Variants in DIP2C observed in about 807,000 individuals in gnomAD.
DIP2C encodes disco-interacting protein 2 homolog C.
A neutral mutation model predicts 192.4 loss-of-function variants in DIP2C; 33 were observed. The observed-to-expected ratio is 0.17, with a 90% CI of 0.13 to 0.23. The LOEUF (loss-of-function observed/expected upper bound fraction) is 0.23. Among genes scored for constraint, DIP2C ranks in the 10% least tolerant of loss-of-function variants. The pLI is 1.00. For missense variants in DIP2C, 1,537 were observed against 2,110.1 expected (o/e 0.73, Z 5.32); for synonymous variants, 979 against 864.1 (o/e 1.13, Z -2.33).
intron 7 of DIP2C, among the ~76,000 whole-genome samples, chr10:414,922 G>C (rs1396718086): frequency 1.2e-5 from 1 of 82,520 alleles, no homozygotes; most frequent in Non-Finnish European, 2.4e-5. Context: ...TTTTTTTTTT[G>C]GTAGAGACAG....
At chr10:487,063 G>T (rs1290503443) in intron 1 of DIP2C, among the ~76,000 whole-genome samples, 3 of 152,248 alleles carry the variant, frequency 2.0e-5, no homozygotes, top group Admixed American at 2.0e-4. Context: ...CAGAAATCCA[G>T]AAGACAAGAG....
Position 486,378 on chromosome 10 carries a change from G to A in DIP2C, c.157+81C>T, listed in dbSNP as rs140331005. Reference sequence around the variant, plus strand: ...CTCCTGCCGACTGGGAAGCAAGGGAGCGTCTGCCTCCAGATGTTTCTCTGG... The same window carrying A: ...CTCCTGCCGACTGGGAAGCAAGGGAACGTCTGCCTCCAGATGTTTCTCTGG... On this transcript the variant is annotated intron_variant, in intron 2 of 36. Coordinates refer to ENST00000280886, the MANE Select transcript of DIP2C (RefSeq NM_014974.3). 4.0e-4 allele frequency: 526 copies of A among 1,327,422 alleles called. 1 individual carries two copies. In the African/African-American group the frequency reaches 7.0e-3, roughly 18 times the overall value. The allele number at this position is 1,327,422 out of a possible 1,614,324, so 82.2% of individuals were successfully genotyped here.
At chr10:391,206 C>T (rs1484393311) in intron 10 of DIP2C, among the ~76,000 whole-genome samples, 1 of 152,212 alleles carries the variant, frequency 6.6e-6, no homozygotes, top group Non-Finnish European at 1.5e-5. Flanking sequence ...TATGATTATA[C>T]AATGCAATTA....
At chr10:547,263 G>A (rs1804123268) in intron 1 of DIP2C, among the ~76,000 whole-genome samples, 1 of 152,208 alleles carries the variant, frequency 6.6e-6, no homozygotes, top group Admixed American at 6.5e-5. Context: ...CTCTGATCCA[G>A]GAGGGCTCCT....
chr10:559,148 A>G (rs1849060698), intron 1 of DIP2C, among the ~76,000 whole-genome samples: 1 of 152,250 alleles, frequency 6.6e-6, no homozygotes, highest in Non-Finnish European at 1.5e-5. Context: ...GGGCAGCAGC[A>G]CTGGCTGTAT....
chr10:578,012 A>C (rs1850286151), intron 1 of DIP2C, among the ~76,000 whole-genome samples: 1 of 152,184 alleles, frequency 6.6e-6, no homozygotes, highest in African/African-American at 2.4e-5. Flanking sequence ...TGGAAAACTA[A>C]GTACTAATTT....
intron 1 of DIP2C, among the ~76,000 whole-genome samples, chr10:578,553 T>C (rs940328125): frequency 2.9e-4 from 44 of 152,322 alleles, no homozygotes; most frequent in African/African-American, 9.9e-4. Context: ...TCCTAAATCA[T>C]TGCAAAGCAT....
chr10:593,189 A>G (rs1422062177), intron 1 of DIP2C, among the ~76,000 whole-genome samples: 1 of 152,092 alleles, frequency 6.6e-6, no homozygotes. Flanking sequence ...CAGGACACTC[A>G]CTGGGTTTCC....
intron 1 of DIP2C, among the ~76,000 whole-genome samples, chr10:656,355 G>A (rs922960492): frequency 6.6e-6 from 1 of 151,950 alleles, no homozygotes; most frequent in Non-Finnish European, 1.5e-5. Flanking sequence ...GTTCTATTCT[G>A]CACTACTCTG....
intron 28 of DIP2C, among the ~76,000 whole-genome samples, chr10:342,339 T>A (rs564676810): frequency 7.2e-5 from 11 of 152,264 alleles, no homozygotes; most frequent in Admixed American, 2.0e-4. Flanking sequence ...TTTGTATTTT[T>A]AGTAGAGACA....
At chr10:581,794 C>T (rs1187937614) in intron 1 of DIP2C, among the ~76,000 whole-genome samples, 2 of 152,092 alleles carry the variant, frequency 1.3e-5, no homozygotes, top group African/African-American at 2.4e-5. Context: ...AGCCTTCAAT[C>T]CCCCACCTTT....
chr10:432,788 A>C (rs1211194948), intron 4 of DIP2C, among the ~76,000 whole-genome samples: 1 of 152,202 alleles, frequency 6.6e-6, no homozygotes, highest in Non-Finnish European at 1.5e-5. Context: ...TAAAGCTATA[A>C]ATTTCCCTAT....
At chr10:608,111 A>ACACCACACACACAGCCC (rs1852636752) in intron 1 of DIP2C, among the ~76,000 whole-genome samples, 1 of 140,104 alleles carries the variant, frequency 7.1e-6, no homozygotes, top group Non-Finnish European at 1.5e-5. Context: ...AGGAACACAC[A>ACACCACACACACAGCCC]CACCACACAC....
At chr10:433,970 CT>C (rs1426132444) in intron 4 of DIP2C, among the ~76,000 whole-genome samples, 3 of 151,548 alleles carry the variant, frequency 2.0e-5, no homozygotes, top group South Asian at 2.1e-4. Flanking sequence ...ATATCAGTTA[CT>C]TTTTTTTAAG....
At chr10:647,579 A>G (rs1233270454) in intron 1 of DIP2C, among the ~76,000 whole-genome samples, 1 of 148,068 alleles carries the variant, frequency 6.8e-6, no homozygotes, top group African/African-American at 2.5e-5. Context: ...TCCACATTTG[A>G]CGGTGGGAGA....
At chr10:337,301 C>CTG (rs537765230) in intron 29 of DIP2C, among the ~76,000 whole-genome samples, 7 of 14,066 alleles carry the variant, frequency 5.0e-4, no homozygotes, top group Admixed American at 2.2e-3. Flanking sequence ...GCCTAGGCAG[C>CTG]TGTGTGTGTG....
chr10:572,979 C>T (rs752941786), intron 1 of DIP2C, among the ~76,000 whole-genome samples: 5 of 152,140 alleles, frequency 3.3e-5, no homozygotes, highest in African/African-American at 9.7e-5. Context: ...AAGGACAGGG[C>T]TACCCAACTG....
At chr10:483,383 G>A (rs188999266) in intron 2 of DIP2C, among the ~76,000 whole-genome samples, 4 of 152,358 alleles carry the variant, frequency 2.6e-5, no homozygotes, top group Admixed American at 6.5e-5. Context: ...CTTTGGAAAC[G>A]TCTGCGTTCC....
chr10:672,629 A>G (rs1262163118), intron 1 of DIP2C, among the ~76,000 whole-genome samples: 1 of 152,260 alleles, frequency 6.6e-6, no homozygotes, highest in Non-Finnish European at 1.5e-5. Flanking sequence ...GCGACCGCTT[A>G]GAAACCATCA....
Sources: gnomAD v4.1 joint callset for allele counts (sites outside exome capture counted in the v4.1 genomes callset) on GRCh38, gnomAD v4.1.1 for gene constraint, MANE v1.5 for transcripts, NCBI Gene and HGNC (gene_info 2026-07-23, HGNC 2026-07-21) for gene names.